The following RSRC1 variants were observed in gnomAD, a reference collection of about 807,000 sequenced individuals.
The protein encoded by RSRC1 is serine/Arginine-related protein 53.
A neutral mutation model predicts 49.1 loss-of-function variants in RSRC1; 39 were observed. That is an observed-to-expected ratio of 0.79 (90% CI 0.61 to 1.04). The LOEUF (loss-of-function observed/expected upper bound fraction) is 1.04. RSRC1 is among the 50% of genes least tolerant of loss of function. The pLI, the probability that RSRC1 is intolerant of heterozygous loss-of-function variation, is 0.00. For synonymous variants in RSRC1, 143 were observed against 130.8 expected (o/e 1.09, Z -0.63); for missense variants, 388 against 402.4 (o/e 0.96, Z 0.31).
intron 7 of RSRC1, among the ~76,000 whole-genome samples, chr3:158,503,651 G>A (rs984535119): frequency 6.6e-6 from 1 of 152,106 alleles, no homozygotes; most frequent in Non-Finnish European, 1.5e-5. Flanking sequence ...AGTCATGCAG[G>A]TTGTTACGGA....
intron 6 of RSRC1, among the ~76,000 whole-genome samples, chr3:158,440,108 A>C (rs1736300231): frequency 6.6e-6 from 1 of 152,136 alleles, no homozygotes; most frequent in African/African-American, 2.4e-5. Context: ...CGTTCTACTC[A>C]TGTGTCCCAG....
chr3:158,512,595 C>T (rs1216613595), intron 7 of RSRC1, among the ~76,000 whole-genome samples: 1 of 151,902 alleles, frequency 6.6e-6, no homozygotes, highest in South Asian at 2.1e-4. Context: ...CTTGGCGATG[C>T]GGGCTCTTTT....
chr3:158,146,305 C>G, intron 3 of RSRC1, among the ~76,000 whole-genome samples: 1 of 152,106 alleles, frequency 6.6e-6, no homozygotes, highest in Non-Finnish European at 1.5e-5. Context: ...TACGTCCCAT[C>G]AATATCTAAT....
chr3:158,133,708 T>G (rs1231991696), intron 3 of RSRC1, among the ~76,000 whole-genome samples: 1 of 152,228 alleles, frequency 6.6e-6, no homozygotes, highest in East Asian at 1.9e-4. Context: ...CAAAATTTAA[T>G]AAATCATCCC....
chr3:158,152,208 T>A (rs1025709303), intron 3 of RSRC1, among the ~76,000 whole-genome samples: 1 of 152,164 alleles, frequency 6.6e-6, no homozygotes, highest in African/African-American at 2.4e-5. Flanking sequence ...TGAACTTAGC[T>A]GAACTTCAGT....
intron 5 of RSRC1, among the ~76,000 whole-genome samples, chr3:158,311,273 A>G (rs1339260699): frequency 6.6e-6 from 1 of 151,894 alleles, no homozygotes; most frequent in African/African-American, 2.4e-5. Context: ...TACTGCTTAT[A>G]TAGTCCCTTA....
chr3:158,314,208 A>T (rs1433609205), intron 5 of RSRC1, among the ~76,000 whole-genome samples: 1 of 152,074 alleles, frequency 6.6e-6, no homozygotes, highest in Non-Finnish European at 1.5e-5. Flanking sequence ...CTCCTGCCTC[A>T]ACCTCCTGAG....
intron 6 of RSRC1, among the ~76,000 whole-genome samples, chr3:158,356,067 C>T (rs572178023): frequency 6.6e-6 from 1 of 151,994 alleles, no homozygotes; most frequent in African/African-American, 2.4e-5. Context: ...CTCTCACTCT[C>T]AAAATATCTT....
chr3:158,169,510 C>G (rs963283347), intron 3 of RSRC1, among the ~76,000 whole-genome samples: 2 of 152,138 alleles, frequency 1.3e-5, no homozygotes, highest in South Asian at 2.1e-4. Context: ...AAAGCTCTTT[C>G]TACTTTCCAA....
At chr3:158,112,384 G>A (rs1714474110) in intron 1 of RSRC1, among the ~76,000 whole-genome samples, 1 of 152,174 alleles carries the variant, frequency 6.6e-6, no homozygotes, top group Admixed American at 6.5e-5. Flanking sequence ...CCAGGGGTAA[G>A]TTTATGTCTG....
intron 6 of RSRC1, among the ~76,000 whole-genome samples, chr3:158,423,601 C>G (rs1023030364): frequency 6.6e-6 from 1 of 151,986 alleles, no homozygotes; most frequent in African/African-American, 2.4e-5. Context: ...TAGTTTTTTC[C>G]AATTCTGTGA....
rs191510971 is a variant in RSRC1 at position 158,125,635 on chromosome 3, T to A, written c.320+1644T>A. Among the ~76,000 whole-genome samples the A allele has an allele frequency of 2.2e-3, 337 of 152,282 alleles. 2 individuals carry two copies. Among genetic ancestry groups the A allele is most frequent in the African/African-American group, 7.8e-3 (326 of 41,580 alleles). Reference sequence around the variant, plus strand: ...ATTTGTTAAGACTTGTTTTGTGGCCTAACATGAAATCTGTCGTGGAGAATG... The same window carrying A: ...ATTTGTTAAGACTTGTTTTGTGGCCAAACATGAAATCTGTCGTGGAGAATG... On this transcript the variant is annotated intron_variant, in intron 3 of 9. Coordinates refer to ENST00000611884, the MANE Select transcript of RSRC1 (RefSeq NM_001271838.2).
At chr3:158,221,741 C>T (rs1195932156) in intron 4 of RSRC1, among the ~76,000 whole-genome samples, 3 of 151,466 alleles carry the variant, frequency 2.0e-5, no homozygotes, top group African/African-American at 7.3e-5. Flanking sequence ...TTACAGAGCT[C>T]AACCTGCCAG....
chr3:158,307,845 C>T (rs1727920825), intron 5 of RSRC1, among the ~76,000 whole-genome samples: 1 of 151,830 alleles, frequency 6.6e-6, no homozygotes, highest in Non-Finnish European at 1.5e-5. Flanking sequence ...CACATACTCA[C>T]CTACCAGATT....
intron 5 of RSRC1, among the ~76,000 whole-genome samples, chr3:158,331,107 C>G (rs1729518844): frequency 6.6e-6 from 1 of 152,182 alleles, no homozygotes; most frequent in South Asian, 2.1e-4. Flanking sequence ...TTACCTCCCA[C>G]TGGGTCCCTC....
At chr3:158,197,299 A>G (rs1245794045) in intron 3 of RSRC1, among the ~76,000 whole-genome samples, 1 of 152,114 alleles carries the variant, frequency 6.6e-6, no homozygotes, top group Non-Finnish European at 1.5e-5. Context: ...AGAGGTGTTT[A>G]TAGTATTCTC....
chr3:158,374,246 A>G (rs1319871818), intron 6 of RSRC1, among the ~76,000 whole-genome samples: 1 of 152,098 alleles, frequency 6.6e-6, no homozygotes, highest in African/African-American at 2.4e-5. Context: ...TCCTATTTAT[A>G]TGTAATGCAA....
intron 3 of RSRC1, among the ~76,000 whole-genome samples, chr3:158,159,719 A>G (rs1311690967): frequency 2.0e-5 from 3 of 152,186 alleles, no homozygotes; most frequent in Non-Finnish European, 1.5e-5. Context: ...TGATTATTTC[A>G]TCACTCCATA....
chr3:158,531,577 T>C (rs748594708), intron 7 of RSRC1, among the ~76,000 whole-genome samples: 57 of 151,974 alleles, frequency 3.8e-4, no homozygotes, highest in Non-Finnish European at 7.1e-4. Context: ...ATATGTAACA[T>C]GGTCCTGTAG....
Sources: gnomAD v4.1 joint callset for allele counts (sites outside exome capture counted in the v4.1 genomes callset) on GRCh38, gnomAD v4.1.1 for gene constraint, MANE v1.5 for transcripts, NCBI Gene and HGNC (gene_info 2026-07-23, HGNC 2026-07-21) for gene names.